CBLB: variants seen among roughly 807,000 people sequenced by gnomAD.
CBLB encodes the protein E3 ubiquitin-protein ligase CBL-B.
Under a neutral mutation model 104.9 loss-of-function variants are expected in CBLB, and 31 were observed. The ratio of observed to expected loss-of-function variants is 0.30; its 90% CI spans 0.22 to 0.40. CBLB has a LOEUF of 0.40. Ranked by LOEUF, CBLB falls within the 10% of genes least tolerant of loss-of-function variation. CBLB has a pLI of 1.00. For synonymous variants in CBLB, 440 were observed against 422.6 expected, an observed-to-expected ratio of 1.04 and a Z score of -0.51; for missense variants, 1,062 against 1,214.6, an observed-to-expected ratio of 0.87 and a Z score of 1.87.
At chr3:105,789,988 T>C (rs1383991760) in intron 3 of CBLB, among the ~76,000 whole-genome samples, 2 of 152,218 alleles carry the variant, frequency 1.3e-5, no homozygotes, top group Non-Finnish European at 2.9e-5. Context: ...CAGATCACTG[T>C]ACCTGTCTAC....
At chr3:105,710,797 G>T (rs2152805583) in intron 10 of CBLB, among the ~76,000 whole-genome samples, 1 of 151,920 alleles carries the variant, frequency 6.6e-6, no homozygotes, top group African/African-American at 2.4e-5. Context: ...TTTTGCTTTG[G>T]AAATTAATAA....
intron 15 of CBLB, 26 bp downstream of exon 15, chr3:105,681,698 C>T (rs2066339763): frequency 1.3e-6 from 2 of 1,596,850 alleles, no homozygotes; most frequent in Non-Finnish European, 1.7e-6. Context: ...ATGTACATCA[C>T]AAAGGAAATT....
chr3:105,838,249 A>ATT lies in CBLB; in HGVS notation c.419+15163_419+15164dup, dbSNP rs55769611. Reference sequence around the variant, plus strand: ...CAGGCATGGGCCAACACACCTGGCTATTTTTTTTTTTTTTTTTTTTTTTTT... The same window carrying ATT: ...CAGGCATGGGCCAACACACCTGGCTATTTTTTTTTTTTTTTTTTTTTTTTTTT... On this transcript the variant is annotated intron_variant, in intron 3 of 18. Transcript: ENST00000394030. Among the ~76,000 whole-genome samples the ATT allele has an allele frequency of 3.8e-3, 214 of 55,998 alleles. 13 individuals are homozygous for ATT. The highest frequency in any genetic ancestry group is 4.9e-3 in the Non-Finnish European group (158 of 32,044). The allele number at this position is 55,998 out of a possible 152,430, so 36.7% of individuals were successfully genotyped here.
intron 13 of CBLB, 55 bp downstream of exon 13, chr3:105,693,439 A>ACG: frequency 2.9e-6 from 2 of 697,820 alleles, no homozygotes; most frequent in Non-Finnish European, 4.1e-6. Flanking sequence ...TCTCAAAACC[A>ACG]CTCTACCATA....
intron 13 of CBLB, 107 bp downstream of exon 13, chr3:105,693,387 C>G: frequency 1.4e-6 from 1 of 727,466 alleles, no homozygotes; most frequent in Non-Finnish European, 2.5e-6. Context: ...TGTTTACTAT[C>G]AATGACTTTC....
intron 5 of CBLB, among the ~76,000 whole-genome samples, chr3:105,751,226 C>A (rs766401575): frequency 1.3e-5 from 2 of 152,194 alleles, no homozygotes; most frequent in Non-Finnish European, 2.9e-5. Flanking sequence ...AGCTAACAAG[C>A]AGCCACCAGG....
In CBLB at chr3:105,704,101, G is replaced by A. The variant is rs200005937; in HGVS notation, c.1480C>T (p.Pro494Ser). Residue 494 changes from proline (P) to serine (S), a missense_variant, in exon 11 of 19, where the codon CCT becomes TCT. By Grantham distance (74) the Pro-to-Ser change is moderately conservative. This residue lies in a region of CBLB where 457 missense variants were observed against 632.0 expected (regional missense o/e 0.72). Coordinates refer to ENST00000394030, the MANE Select transcript of CBLB (RefSeq NM_170662.5). ...SPLAQRRKPQ[P>S]DPLQIPHLSL... ...AGATGTGGGATCTGGAGTGGGTCAG[G>A]CTGTGGCTTTCTTCTCTGGGCAAGG... 1.2e-6 allele frequency: 2 copies of A among 1,613,994 alleles called. No homozygotes were observed. The highest frequency in any genetic ancestry group is 2.7e-5 in the African/African-American group (2 of 74,928).
Position 105,751,576 on chromosome 3 carries a change from C to T in CBLB, c.609G>A (p.Glu203=). The stretch of plus-strand genomic sequence containing the variant: ...CCAGGCCAGAGCTAATCTGGTGGAC[C>T]TCATGAAGGCACTGTCTGAATACTT... ...PWKVFRQCLH[E]VHQISSGLEA... The change falls in exon 5 of 19, where the codon GAG becomes GAA. Residue 203 remains glutamate (E), a synonymous_variant. Transcript: ENST00000394030. 6.2e-7 allele frequency: 1 copy of T among 1,612,928 alleles called. No homozygotes were observed. Among genetic ancestry groups the T allele is most frequent in the Non-Finnish European group, 8.5e-7 (1 of 1,179,054 alleles).
chr3:105,737,814 CACAG>C (rs1231478596), intron 7 of CBLB, among the ~76,000 whole-genome samples: 1 of 152,166 alleles, frequency 6.6e-6, no homozygotes, highest in African/African-American at 2.4e-5. Flanking sequence ...TATGCAAACA[CACAG>C]ACACACAGGC....
upstream of CBLB, chr3:105,869,345 G>A (rs1314402160): frequency 2.2e-6 from 3 of 1,334,094 alleles, no homozygotes; most frequent in Non-Finnish European, 3.0e-6. Context: ...ACCAATAAGG[G>A]GTGGCAGGTG....
intron 4 of CBLB, among the ~76,000 whole-genome samples, chr3:105,754,088 C>A (rs1263911381): frequency 1.3e-5 from 2 of 151,928 alleles, no homozygotes; most frequent in South Asian, 4.2e-4. Flanking sequence ...ACAGATAACC[C>A]TCATTTGATC....
At chr3:105,869,271 C>A (rs1706758655), upstream of CBLB, 2 of 871,670 alleles carry the variant, frequency 2.3e-6, no homozygotes, top group Non-Finnish European at 3.4e-6. Flanking sequence ...CCTGGACTCT[C>A]CCGGGAACGA....
chr3:105,758,164 C>T (rs551074938), intron 4 of CBLB, among the ~76,000 whole-genome samples: 16 of 152,106 alleles, frequency 1.1e-4, no homozygotes, highest in Non-Finnish European at 1.8e-4. Context: ...ATTACTCTTG[C>T]TGTTCTATCA....
At chr3:105,682,475 A>T (rs538582539) in intron 14 of CBLB, among the ~76,000 whole-genome samples, 1 of 152,264 alleles carries the variant, frequency 6.6e-6, no homozygotes, top group Non-Finnish European at 1.5e-5. Context: ...TGTAAAGGGT[A>T]CTACTTACCA....
intron 3 of CBLB, among the ~76,000 whole-genome samples, chr3:105,788,534 G>C (rs1284098195): frequency 6.6e-6 from 1 of 152,126 alleles, no homozygotes; most frequent in Non-Finnish European, 1.5e-5. Context: ...GCCAGGTCAC[G>C]GGTTGGACAA....
intron 14 of CBLB, among the ~76,000 whole-genome samples, chr3:105,683,557 AT>A (rs1308422396): frequency 6.6e-6 from 1 of 152,184 alleles, no homozygotes; most frequent in Non-Finnish European, 1.5e-5. Flanking sequence ...TTATCCAGCA[AT>A]GAAAAAAAAT....
At chr3:105,715,827 T>A (rs1358780766) in intron 10 of CBLB, among the ~76,000 whole-genome samples, 2 of 152,052 alleles carry the variant, frequency 1.3e-5, no homozygotes, top group African/African-American at 4.8e-5. Context: ...TCACTTGAGG[T>A]CAGGAGTTCG....
At chr3:105,666,981 C>T (rs1012671251) in intron 18 of CBLB, among the ~76,000 whole-genome samples, 1 of 152,118 alleles carries the variant, frequency 6.6e-6, no homozygotes, top group African/African-American at 2.4e-5. Flanking sequence ...GAAGTGAAGC[C>T]ACGATTTCCA....
intron 10 of CBLB, among the ~76,000 whole-genome samples, chr3:105,715,708 T>C (rs922210523): frequency 3.9e-5 from 6 of 152,204 alleles, no homozygotes; most frequent in African/African-American, 7.2e-5. Flanking sequence ...GCAGTCACTC[T>C]TTTAACTGAG....
Sources: allele counts gnomAD v4.1 joint callset (sites outside exome capture counted in the v4.1 genomes callset), GRCh38; gene constraint gnomAD v4.1.1; regional missense constraint gnomAD v4.1.1; transcripts MANE v1.5; gene names NCBI Gene and HGNC (gene_info 2026-07-23, HGNC 2026-07-21).